The following MAMDC2 variants were observed in gnomAD, a reference collection of about 807,000 sequenced individuals.
The protein encoded by MAMDC2 is MAM domain-containing protein 2.
In MAMDC2, 57 loss-of-function variants were observed where a neutral mutation model predicts 89.8. The ratio of observed to expected loss-of-function variants is 0.63; its 90% CI spans 0.51 to 0.79. The LOEUF (loss-of-function observed/expected upper bound fraction) is 0.79. MAMDC2 is among the 30% of genes least tolerant of loss of function. MAMDC2 has a pLI of 0.00. For missense variants in MAMDC2, 800 were observed against 820.6 expected (o/e 0.97, Z 0.31); for synonymous variants, 313 against 293.4 (o/e 1.07, Z -0.68).
rs534131826 is a variant in MAMDC2 at position 70,145,328 on chromosome 9, C to G, written c.1404+1509C>G. On this transcript the variant is annotated intron_variant, in intron 9 of 13. Transcript: ENST00000377182. ...TCTACCCTTAGCTTAGACTCTTGCT[C>G]TTTAAGCTCATTGCCTAGACAATAT... Among the ~76,000 whole-genome samples, 14 of 152,342 alleles carry G rather than the reference C, an allele frequency of 9.2e-5. No homozygotes were observed. The South Asian group carries it at 1.9e-3, about 20-fold the overall frequency.
At chr9:70,222,354 A>G (rs1036492664) in intron 12 of MAMDC2, among the ~76,000 whole-genome samples, 22 of 152,334 alleles carry the variant, frequency 1.4e-4, no homozygotes, top group Admixed American at 5.9e-4. Flanking sequence ...AGTAAATAAT[A>G]GGATATGAGA....
intron 2 of MAMDC2, among the ~76,000 whole-genome samples, chr9:70,095,888 G>A (rs2118196730): frequency 6.6e-6 from 1 of 152,252 alleles, no homozygotes; most frequent in African/African-American, 2.4e-5. Flanking sequence ...CCCAGCTCCT[G>A]CTATTTTTAC....
intron 12 of MAMDC2, among the ~76,000 whole-genome samples, chr9:70,221,342 C>A (rs2033550809): frequency 6.4e-5 from 4 of 62,848 alleles, no homozygotes; most frequent in East Asian, 4.5e-4. Flanking sequence ...AAAAAAAAAG[C>A]AAGCCAAACA....
intron 11 of MAMDC2, among the ~76,000 whole-genome samples, chr9:70,212,997 C>A (rs2033386133): frequency 6.6e-6 from 1 of 152,160 alleles, no homozygotes; most frequent in Non-Finnish European, 1.5e-5. Flanking sequence ...CAGACTAGTG[C>A]TTCACCCTCA....
rs570939652 is a variant in MAMDC2 at position 70,139,520 on chromosome 9, T to C, written c.995-625T>C. Among the ~76,000 whole-genome samples the C allele has an allele frequency of 1.2e-3, 180 of 152,076 alleles. 1 individual carries two copies. Among genetic ancestry groups the C allele is most frequent in the African/African-American group, 4.1e-3 (170 of 41,448 alleles). On this transcript the variant is annotated intron_variant, in intron 7 of 13. Coordinates refer to ENST00000377182, the MANE Select transcript of MAMDC2 (RefSeq NM_153267.5). ...CACATTTTCTTAATCCAGTCTATCA[T>C]TGTTGGACATTTGGGGTTGGTTCCA... is the stretch of plus-strand genomic sequence containing the variant.
chr9:70,107,184 T>C (rs1326717460), intron 2 of MAMDC2, among the ~76,000 whole-genome samples: 2 of 151,994 alleles, frequency 1.3e-5, no homozygotes, highest in African/African-American at 4.8e-5. Context: ...AATTGGATCA[T>C]TGACATAGGA....
intron 5 of MAMDC2, among the ~76,000 whole-genome samples, chr9:70,124,384 T>G (rs2030432335): frequency 6.6e-6 from 1 of 152,214 alleles, no homozygotes; most frequent in African/African-American, 2.4e-5. Context: ...GTTTGTAATC[T>G]CTGTTTATTC....
At chr9:70,164,169 G>A (rs1310057202) in intron 9 of MAMDC2, among the ~76,000 whole-genome samples, 1 of 152,124 alleles carries the variant, frequency 6.6e-6, no homozygotes, top group East Asian at 1.9e-4. Context: ...GGCATCTAAT[G>A]AGTAGAGGTT....
At chr9:70,141,952 T>C (rs938270730) in intron 8 of MAMDC2, among the ~76,000 whole-genome samples, 1 of 152,180 alleles carries the variant, frequency 6.6e-6, no homozygotes, top group Non-Finnish European at 1.5e-5. Context: ...TCACAGGAAA[T>C]TTTATGACCT....
intron 2 of MAMDC2, among the ~76,000 whole-genome samples, chr9:70,049,914 C>T (rs1363609203): frequency 6.6e-6 from 1 of 152,100 alleles, no homozygotes; most frequent in African/African-American, 2.4e-5. Context: ...GTGCTGCCTC[C>T]TCCTACACAG....
Position 70,218,491 on chromosome 9 carries a change from A to G in MAMDC2, c.1806A>G (p.Lys602=). 6.2e-7 allele frequency: 1 copy of G among 1,614,214 alleles called. No individual in the cohort carries two copies. Among genetic ancestry groups the G allele is most frequent in the East Asian group, 2.2e-5 (1 of 44,876 alleles). Reference sequence around the variant, plus strand: ...CTGGCCTGCTGAGTGTTTATCTGAAAAAGGAAGAAGACAGTGAAGAGTCCC... The same window carrying G: ...CTGGCCTGCTGAGTGTTTATCTGAAGAAGGAAGAAGACAGTGAAGAGTCCC... ...GGTGLLSVYL[K]KEEDSEESLL... The change falls in exon 12 of 14, where the codon AAA becomes AAG. Residue 602 remains lysine, a synonymous_variant. Transcript: ENST00000377182.
chr9:70,106,681 G>A (rs915067837), intron 2 of MAMDC2, among the ~76,000 whole-genome samples: 4 of 152,208 alleles, frequency 2.6e-5, no homozygotes, highest in African/African-American at 4.8e-5. Flanking sequence ...ATTGCTGCAA[G>A]GGCCAGATTT....
At chr9:70,148,263 C>T (rs1024764511) in intron 9 of MAMDC2, among the ~76,000 whole-genome samples, 3 of 150,150 alleles carry the variant, frequency 2.0e-5, no homozygotes, top group African/African-American at 7.4e-5. Flanking sequence ...TTAAACATCA[C>T]TTCCTCAGAG....
intron 5 of MAMDC2, among the ~76,000 whole-genome samples, chr9:70,115,106 A>G (rs1266812060): frequency 2.6e-5 from 4 of 152,166 alleles, no homozygotes; most frequent in African/African-American, 9.7e-5. Context: ...TTTCATTGAC[A>G]ATGGGAGGCC....
intron 11 of MAMDC2, among the ~76,000 whole-genome samples, chr9:70,206,890 T>A (rs1008502024): frequency 1.3e-5 from 2 of 152,164 alleles, no homozygotes; most frequent in African/African-American, 4.8e-5. Context: ...TTTGGTTTTC[T>A]GTCCTTGTGA....
At chr9:70,128,788 T>C (rs4744981) in intron 6 of MAMDC2, among the ~76,000 whole-genome samples, 29,105 of 152,080 alleles carry the variant, frequency 0.19, 2,817 homozygotes, top group Middle Eastern at 0.23. Context: ...TCCCAAGTAG[T>C]TGGGACTACA....
chr9:70,088,676 C>T (rs371848554), intron 2 of MAMDC2: 8 of 150,644 alleles, frequency 5.3e-5, no homozygotes, highest in African/African-American at 2.0e-4. Flanking sequence ...AGTACAACTA[C>T]TCCCAAGTTC....
intron 11 of MAMDC2, among the ~76,000 whole-genome samples, chr9:70,205,275 CT>C (rs925966955): frequency 2.6e-5 from 4 of 152,108 alleles, no homozygotes; most frequent in African/African-American, 9.6e-5. Flanking sequence ...ATCTCCAGAG[CT>C]TTTTTTTCAT....
intron 8 of MAMDC2, among the ~76,000 whole-genome samples, chr9:70,143,131 A>G (rs144162026): frequency 6.6e-6 from 1 of 152,194 alleles, no homozygotes; most frequent in Non-Finnish European, 1.5e-5. Context: ...CACCATCTCT[A>G]TCGGTCACTA....
Sources: allele counts gnomAD v4.1 joint callset (sites outside exome capture counted in the v4.1 genomes callset), GRCh38; gene constraint gnomAD v4.1.1; transcripts MANE v1.5; gene names NCBI Gene and HGNC (gene_info 2026-07-23, HGNC 2026-07-21).